Variants in SCP2 observed in about 807,000 individuals in gnomAD.
SCP2 encodes the protein SCP-2/3-oxoacyl-CoA thiolase.
SCP2 carries 48 observed loss-of-function variants against 71.4 expected under a neutral mutation model. The ratio of observed to expected loss-of-function variants is 0.67; its 90% CI spans 0.53 to 0.86. The LOEUF (loss-of-function observed/expected upper bound fraction) is 0.86. SCP2 is among the 40% of genes least tolerant of loss of function. The pLI, the probability that SCP2 is intolerant of heterozygous loss-of-function variation, is 0.00. For missense variants in SCP2, 560 were observed against 655.6 expected (o/e 0.85, Z 1.59); for synonymous variants, 220 against 218.1 (o/e 1.01, Z -0.08).
chr1:52,978,359 A>G lies in SCP2; in HGVS notation c.817A>G (p.Ile273Val). ...AAGCTCGTTTGAAGAAAAAAGCATT[A>G]TTAAAATGGTATGTCTGAGATTCTA... ...LPSSFEEKSIIKMVGFDMSKE... is the reference protein window; with the variant it reads ...LPSSFEEKSIVKMVGFDMSKE... Residue 273 changes from isoleucine to valine, a missense_variant, in exon 9 of 16, where the codon ATT (isoleucine) becomes GTT (valine). Ile to Val is a conservative substitution (Grantham distance 29). Coordinates refer to ENST00000371514, the MANE Select transcript of SCP2 (RefSeq NM_002979.5). 1 of 1,613,232 alleles carries G rather than the reference A, an allele frequency of 6.2e-7. No homozygotes were observed. Among genetic ancestry groups the G allele is most frequent in the African/African-American group, 1.3e-5 (1 of 75,050 alleles).
At chr1:53,026,092 A>T (rs1662111609) in intron 12 of SCP2, among the ~76,000 whole-genome samples, 1 of 152,104 alleles carries the variant, frequency 6.6e-6, no homozygotes, top group Admixed American at 6.5e-5. Flanking sequence ...TTCCTAAAGT[A>T]GGTTCCTTTT....
chr1:52,977,726 C>T (rs540603220), intron 8 of SCP2, among the ~76,000 whole-genome samples: 16 of 152,218 alleles, frequency 1.1e-4, no homozygotes, highest in South Asian at 2.1e-4. Context: ...ATTGGAAGGC[C>T]GAGGCGGGCG....
chr1:53,048,687 A>G (rs1390982157), intron 15 of SCP2: 2 of 153,462 alleles, frequency 1.3e-5, no homozygotes, highest in Admixed American at 6.4e-5. Flanking sequence ...TCTGTAAACA[A>G]CTGTTGGACT....
At chr1:53,011,058 T>C (rs1487392594) in intron 11 of SCP2, among the ~76,000 whole-genome samples, 1 of 152,228 alleles carries the variant, frequency 6.6e-6, no homozygotes, top group Non-Finnish European at 1.5e-5. Context: ...GAAAAACTGC[T>C]CTATTATAAA....
chr1:52,927,449 G>T lies in SCP2; in HGVS notation c.53G>T (p.Gly18Val). ...ACCCTGCGCCGGGTGTTCGTGGTGG[G>T]GGTTGGCATGACCAAGGTAAACCGA... ...PATLRRVFVVGVGMTKFVKPG... is the reference protein window; with the variant it reads ...PATLRRVFVVVVGMTKFVKPG... The change falls in exon 1 of 16, where the codon GGG becomes GTG. Residue 18 changes from glycine to valine, a missense_variant. Gly to Val is a moderately radical substitution (Grantham distance 109, BLOSUM62 -3). Transcript: ENST00000371514. The T allele has an allele frequency of 6.2e-7, 1 of 1,601,640 alleles. No homozygotes were observed. The highest frequency in any genetic ancestry group is 1.7e-5 in the Admixed American group (1 of 58,092).
intron 11 of SCP2, chr1:52,993,204 T>G (rs1298265730): frequency 2.0e-5 from 32 of 1,613,982 alleles, no homozygotes; most frequent in Non-Finnish European, 2.7e-5. Flanking sequence ...TTCTAGAAAA[T>G]GACACAATGG....
intron 12 of SCP2, among the ~76,000 whole-genome samples, chr1:53,025,608 C>T (rs1662072952): frequency 6.6e-6 from 1 of 152,130 alleles, no homozygotes; most frequent in Non-Finnish European, 1.5e-5. Context: ...CTTTGTATCT[C>T]CCTCACCCCC....
chr1:52,951,400 A>G (rs904725709), intron 4 of SCP2, among the ~76,000 whole-genome samples: 17 of 152,036 alleles, frequency 1.1e-4, no homozygotes, highest in Admixed American at 5.9e-4. Flanking sequence ...CAGGAGTTCA[A>G]GACCAGCCTG....
At chr1:53,040,067 C>T (rs1212466980) in intron 14 of SCP2, among the ~76,000 whole-genome samples, 1 of 152,158 alleles carries the variant, frequency 6.6e-6, no homozygotes, top group Non-Finnish European at 1.5e-5. Context: ...CAGTTTAACC[C>T]ATCAACACAT....
At chr1:52,966,729 C>CA (rs750547811) in intron 6 of SCP2, among the ~76,000 whole-genome samples, 1,111 of 104,502 alleles carry the variant, frequency 0.011, 21 homozygotes, top group East Asian at 0.1. Context: ...ACTAAAGATA[C>CA]AAAAAAAAAA....
intron 13 of SCP2, among the ~76,000 whole-genome samples, chr1:53,031,495 C>G (rs1005899723): frequency 1.3e-5 from 2 of 152,192 alleles, no homozygotes; most frequent in African/African-American, 4.8e-5. Flanking sequence ...TCTTTGTTAG[C>G]AATTCTCCAT....
intron 13 of SCP2, among the ~76,000 whole-genome samples, chr1:53,033,666 A>C (rs1662715042): frequency 6.6e-6 from 1 of 152,084 alleles, no homozygotes; most frequent in South Asian, 2.1e-4. Flanking sequence ...AAAAAAGACA[A>C]TAACAATTGT....
At chr1:53,017,421 C>T (rs1448760874) in intron 12 of SCP2, among the ~76,000 whole-genome samples, 1 of 152,190 alleles carries the variant, frequency 6.6e-6, no homozygotes, top group Non-Finnish European at 1.5e-5. Flanking sequence ...TGTAGTACTC[C>T]TTTTTGCAGA....
intron 6 of SCP2, among the ~76,000 whole-genome samples, chr1:52,974,014 A>T (rs1443358099): frequency 1.3e-5 from 2 of 152,180 alleles, no homozygotes; most frequent in African/African-American, 2.4e-5. Context: ...TGCTCTGAAG[A>T]TCATCCTCCT....
chr1:52,950,617 C>T (rs979148448), intron 3 of SCP2, 138 bp from the exon 4 acceptor site: 1 of 692,512 alleles, frequency 1.4e-6, no homozygotes, highest in Non-Finnish European at 2.5e-6. Flanking sequence ...AGTGTTAAAA[C>T]TGTTTCTAAG....
intron 2 of SCP2, among the ~76,000 whole-genome samples, chr1:52,946,563 T>C (rs1428510510): frequency 6.6e-6 from 1 of 152,188 alleles, no homozygotes; most frequent in Admixed American, 6.5e-5. Flanking sequence ...TGGCAACATA[T>C]GAGAATGTTC....
chr1:52,963,890 G>A (rs1159972051), intron 6 of SCP2, among the ~76,000 whole-genome samples: 1 of 151,938 alleles, frequency 6.6e-6, no homozygotes, highest in East Asian at 1.9e-4. Flanking sequence ...ATAATAAAAA[G>A]CTTTTACTGT....
intron 11 of SCP2, among the ~76,000 whole-genome samples, chr1:53,009,657 C>A (rs1438379281): frequency 6.6e-6 from 1 of 152,098 alleles, no homozygotes; most frequent in African/African-American, 2.4e-5. Flanking sequence ...AATGTTAGAC[C>A]TAAAACCATA....
At chr1:52,985,928 T>C (rs1384687536) in intron 10 of SCP2, among the ~76,000 whole-genome samples, 1 of 152,236 alleles carries the variant, frequency 6.6e-6, no homozygotes, top group African/African-American at 2.4e-5. Flanking sequence ...ACCCTTTCCC[T>C]GCTTTCTTTT....
Sources: allele counts gnomAD v4.1 joint callset (sites outside exome capture counted in the v4.1 genomes callset), GRCh38; gene constraint gnomAD v4.1.1; transcripts MANE v1.5; gene names NCBI Gene and HGNC (gene_info 2026-07-23, HGNC 2026-07-21).